The following ELAPOR2 variants were observed in gnomAD, a reference collection of about 807,000 sequenced individuals.
ELAPOR2 encodes the protein endosome/lysosome-associated apoptosis and autophagy regulator family member 2.
Under a neutral mutation model 120.7 loss-of-function variants are expected in ELAPOR2, and 89 were observed. The ratio of observed to expected loss-of-function variants is 0.74; its 90% CI spans 0.62 to 0.88. The LOEUF (loss-of-function observed/expected upper bound fraction) is 0.88. Ranked by LOEUF, ELAPOR2 falls within the 40% of genes least tolerant of loss-of-function variation. The pLI is 0.00. For missense variants in ELAPOR2, 1,134 were observed against 1,251.6 expected (o/e 0.91, Z 1.42); for synonymous variants, 444 against 444.9 (o/e 1.00, Z 0.03).
chr7:86,953,105 A>C (rs1361358514), intron 2 of ELAPOR2, among the ~76,000 whole-genome samples: 1 of 152,064 alleles, frequency 6.6e-6, no homozygotes, highest in Non-Finnish European at 1.5e-5. Context: ...AAAAAAAAAA[A>C]AAAAAACCCA....
At chr7:86,910,126 G>C (rs1402575368) in intron 15 of ELAPOR2, 125 bp from the exon 16 acceptor site, 1 of 708,222 alleles carries the variant, frequency 1.4e-6, no homozygotes, top group African/African-American at 1.8e-5. Context: ...TGATTTAGTT[G>C]ATCTGGTATG....
At chr7:86,974,188 T>A (rs1792197101) in intron 1 of ELAPOR2, among the ~76,000 whole-genome samples, 1 of 152,192 alleles carries the variant, frequency 6.6e-6, no homozygotes, top group Admixed American at 6.5e-5. Context: ...TATAAGCTAA[T>A]AAATTCTTCT....
chr7:86,885,598 C>G (rs1387359925), intron 21 of ELAPOR2, among the ~76,000 whole-genome samples: 1 of 152,106 alleles, frequency 6.6e-6, no homozygotes, highest in Non-Finnish European at 1.5e-5. Flanking sequence ...CTGGACAATA[C>G]ACACCCATCT....
intron 8 of ELAPOR2, among the ~76,000 whole-genome samples, chr7:86,933,934 C>G (rs1219015127): frequency 6.6e-6 from 1 of 151,964 alleles, no homozygotes; most frequent in Non-Finnish European, 1.5e-5. Flanking sequence ...ACATCAAACA[C>G]TGAATTTGTA....
chr7:87,028,436 T>A (rs1453266544), intron 1 of ELAPOR2, among the ~76,000 whole-genome samples: 1 of 152,192 alleles, frequency 6.6e-6, no homozygotes, highest in African/African-American at 2.4e-5. Context: ...TGATGTGCCC[T>A]AGCACTTGGT....
intron 1 of ELAPOR2, among the ~76,000 whole-genome samples, chr7:87,003,694 T>C (rs535714204): frequency 6.6e-6 from 1 of 152,272 alleles, no homozygotes; most frequent in South Asian, 2.1e-4. Context: ...AACGAGCTAA[T>C]ACAACTTGCA....
intron 15 of ELAPOR2, 27 bp from the exon 16 acceptor site, chr7:86,910,028 G>A (rs199514279): frequency 5.2e-6 from 8 of 1,549,396 alleles, no homozygotes; most frequent in African/African-American, 1.4e-5. Context: ...ATAAAAGAAA[G>A]GTTTTATTGG....
intron 1 of ELAPOR2, among the ~76,000 whole-genome samples, chr7:87,043,874 C>T (rs942927487): frequency 6.6e-6 from 1 of 151,672 alleles, no homozygotes; most frequent in Non-Finnish European, 1.5e-5. Flanking sequence ...TTGTCTCAGC[C>T]CAAAATCTCC....
At chr7:86,909,564 T>A (rs1213771796) in intron 16 of ELAPOR2, among the ~76,000 whole-genome samples, 8 of 152,144 alleles carry the variant, frequency 5.3e-5, no homozygotes, top group Admixed American at 5.2e-4. Context: ...GAAAGTCTGA[T>A]GACAGGCATA....
chr7:87,044,565 T>C (rs1364287909), intron 1 of ELAPOR2, among the ~76,000 whole-genome samples: 1 of 149,818 alleles, frequency 6.7e-6, no homozygotes, highest in African/African-American at 2.5e-5. Context: ...TGTAGAAAGC[T>C]GAAACTGGAT....
chr7:86,909,233 T>A (rs1489483513), intron 16 of ELAPOR2, among the ~76,000 whole-genome samples: 2 of 152,048 alleles, frequency 1.3e-5, no homozygotes, highest in East Asian at 3.9e-4. Context: ...GAATCACCTA[T>A]GAAGCTTGTT....
chr7:86,934,748 A>G (rs189603878), intron 8 of ELAPOR2, among the ~76,000 whole-genome samples: 1 of 152,022 alleles, frequency 6.6e-6, no homozygotes, highest in African/African-American at 2.4e-5. Flanking sequence ...TGCTCTACTG[A>G]GCTCCAGACT....
At chr7:86,953,177 G>C (rs1791336947) in intron 2 of ELAPOR2, among the ~76,000 whole-genome samples, 1 of 128,358 alleles carries the variant, frequency 7.8e-6, no homozygotes, top group East Asian at 2.1e-4. Flanking sequence ...AACTCTGCCA[G>C]TGGATTACAT....
At chr7:86,995,025 A>G (rs533922000) in intron 1 of ELAPOR2, among the ~76,000 whole-genome samples, 50 of 152,322 alleles carry the variant, frequency 3.3e-4, no homozygotes, top group Middle Eastern at 3.4e-3. Context: ...TCAGTGGCCC[A>G]CAGATGTCCT....
Position 86,880,339 on chromosome 7 carries a change from C to A in ELAPOR2, c.*132G>T. ...CAATCAAATGTTTCAATCTCCTTCC[C>A]TTTTCAGCGGCATGGCCCTCCTCTG... On this transcript the variant is annotated 3_prime_UTR_variant, in exon 22 of 22. Transcript: ENST00000450689. 1 of 721,948 alleles carries A rather than the reference C, an allele frequency of 1.4e-6. No homozygotes were observed. The allele number at this position is 721,948 out of a possible 1,614,324, so 44.7% of individuals were successfully genotyped here.
chr7:86,987,298 T>A (rs1053770806), intron 1 of ELAPOR2, among the ~76,000 whole-genome samples: 3 of 152,170 alleles, frequency 2.0e-5, no homozygotes, highest in Non-Finnish European at 4.4e-5. Flanking sequence ...AAGGACTTCA[T>A]GATGAAAACA....
At chr7:86,951,851 A>T (rs1562940268) in intron 2 of ELAPOR2, among the ~76,000 whole-genome samples, 1 of 152,246 alleles carries the variant, frequency 6.6e-6, no homozygotes, top group Non-Finnish European at 1.5e-5. Context: ...TGGCCAACAG[A>T]ACTATAACTC....
At chr7:86,982,661 C>A (rs1354800010) in intron 1 of ELAPOR2, among the ~76,000 whole-genome samples, 1 of 152,208 alleles carries the variant, frequency 6.6e-6, no homozygotes, top group East Asian at 1.9e-4. Context: ...AGGACATCCA[C>A]ACCAAAACCC....
chr7:87,028,937 G>A (rs1794337685), intron 1 of ELAPOR2, among the ~76,000 whole-genome samples: 1 of 152,120 alleles, frequency 6.6e-6, no homozygotes, highest in Non-Finnish European at 1.5e-5. Context: ...TCATTTTAGG[G>A]TTTTTGCATT....
Sources: gnomAD v4.1 joint callset for allele counts (sites outside exome capture counted in the v4.1 genomes callset) on GRCh38, gnomAD v4.1.1 for gene constraint, MANE v1.5 for transcripts, NCBI Gene and HGNC (gene_info 2026-07-23, HGNC 2026-07-21) for gene names.